Variants in MCUB observed in about 807,000 individuals in gnomAD.
MCUB encodes mitochondrial calcium uniporter dominant negative subunit beta.
MCUB carries 46 observed loss-of-function variants against 41.4 expected under a neutral mutation model. That is an observed-to-expected ratio of 1.11 (90% CI 0.88 to 1.42). The LOEUF is 1.42. MCUB is among the 40% of genes most tolerant of loss of function. The probability of loss-of-function intolerance (pLI) is 0.00; values close to 1 mark genes in which losing one functional copy is unlikely to be tolerated. For missense variants in MCUB, 403 were observed against 404.9 expected, an observed-to-expected ratio of 1.00 and a Z score of 0.04; for synonymous variants, 148 against 148.2, an observed-to-expected ratio of 1.00 and a Z score of 0.01.
intron 1 of MCUB, among the ~76,000 whole-genome samples, chr4:109,613,716 A>C (rs2126134023): frequency 1.3e-5 from 2 of 152,306 alleles, no homozygotes; most frequent in East Asian, 3.9e-4. Context: ...AAGAGATTAC[A>C]CTTACATAAG....
intron 1 of MCUB, among the ~76,000 whole-genome samples, chr4:109,633,362 G>T (rs1728518531): frequency 6.6e-6 from 1 of 151,836 alleles, no homozygotes; most frequent in Non-Finnish European, 1.5e-5. Context: ...CCGCCTCCCG[G>T]GTTCACGCCA....
chr4:109,633,277 T>TA (rs1237959997), intron 1 of MCUB, among the ~76,000 whole-genome samples: 5 of 150,796 alleles, frequency 3.3e-5, no homozygotes, highest in African/African-American at 1.2e-4. Flanking sequence ...TTATTATTAT[T>TA]TTTTTTTTGA....
At chr4:109,595,325 G>A (rs1727529230) in intron 1 of MCUB, among the ~76,000 whole-genome samples, 3 of 152,166 alleles carry the variant, frequency 2.0e-5, no homozygotes, top group Admixed American at 1.3e-4. Context: ...CACGGAATCT[G>A]CACTAGGTAA....
chr4:109,654,973 A>G (rs1004355805), intron 1 of MCUB, among the ~76,000 whole-genome samples: 2 of 152,160 alleles, frequency 1.3e-5, no homozygotes, highest in African/African-American at 4.8e-5. Context: ...GCTTAGTGCC[A>G]CAAGACTGTC....
intron 1 of MCUB, among the ~76,000 whole-genome samples, chr4:109,570,706 A>G (rs1726893888): frequency 6.6e-6 from 1 of 152,264 alleles, no homozygotes; most frequent in East Asian, 1.9e-4. Flanking sequence ...ATGTTATGCT[A>G]GAGGACTAAT....
At chr4:109,576,370 A>C (rs1272489992) in intron 1 of MCUB, among the ~76,000 whole-genome samples, 1 of 152,224 alleles carries the variant, frequency 6.6e-6, no homozygotes. Flanking sequence ...TGATCATTCA[A>C]ACTTATCAGA....
intron 1 of MCUB, among the ~76,000 whole-genome samples, chr4:109,609,677 A>C (rs930099455): frequency 1.3e-5 from 2 of 152,056 alleles, no homozygotes; most frequent in African/African-American, 4.8e-5. Context: ...TCTTGAAACA[A>C]TCACCCCTAT....
At chr4:109,684,870 C>T in intron 6 of MCUB, 1 of 454,342 alleles carries the variant, frequency 2.2e-6, no homozygotes, top group Non-Finnish European at 3.9e-6. Context: ...ACACAAATTC[C>T]TCCATTGGGA....
intron 1 of MCUB, among the ~76,000 whole-genome samples, chr4:109,620,303 C>G (rs930871084): frequency 3.9e-5 from 6 of 151,964 alleles, no homozygotes; most frequent in African/African-American, 1.2e-4. Flanking sequence ...TGAGGCCTGT[C>G]TGTACATCCT....
intron 1 of MCUB, chr4:109,648,546 TCACAG>T: frequency 2.4e-6 from 1 of 409,708 alleles, no homozygotes; most frequent in Non-Finnish European, 4.7e-6. Context: ...AAATTTATTT[TCACAG>T]TGATGATTCA....
At chr4:109,598,465 G>A (rs1478409589) in intron 1 of MCUB, among the ~76,000 whole-genome samples, 2 of 151,920 alleles carry the variant, frequency 1.3e-5, no homozygotes, top group African/African-American at 2.4e-5. Context: ...GCGTGGCAGC[G>A]CGTGCCTGCA....
At chr4:109,679,826 G>A (rs1579098185) in intron 4 of MCUB, among the ~76,000 whole-genome samples, 1 of 150,148 alleles carries the variant, frequency 6.7e-6, no homozygotes, top group South Asian at 2.1e-4. Context: ...TTTTGAGACA[G>A]AGTCTCTCTG....
intron 1 of MCUB, among the ~76,000 whole-genome samples, chr4:109,562,578 G>T (rs1477140178): frequency 6.6e-6 from 1 of 152,110 alleles, no homozygotes; most frequent in Non-Finnish European, 1.5e-5. Context: ...ATATCCTGTG[G>T]GTAAAGGCAA....
chr4:109,639,707 C>T (rs1728673357), intron 1 of MCUB, among the ~76,000 whole-genome samples: 1 of 151,972 alleles, frequency 6.6e-6, no homozygotes, highest in South Asian at 2.1e-4. Flanking sequence ...AAAAAATATT[C>T]AGTAAACCAT....
intron 2 of MCUB, among the ~76,000 whole-genome samples, chr4:109,659,785 T>C (rs1326053611): frequency 6.6e-6 from 1 of 152,166 alleles, no homozygotes; most frequent in African/African-American, 2.4e-5. Context: ...GCCTCTTAAG[T>C]AGCTGCAACT....
At position 109,592,208 on chromosome 4, in the gene MCUB, G is replaced by A. The variant is rs531718231; in HGVS notation, c.99+31772G>A. Among the ~76,000 whole-genome samples the A allele has an allele frequency of 1.5e-4, 22 of 151,552 alleles. No homozygotes were observed. The East Asian group carries it at 3.7e-3, about 26-fold the overall frequency. On this transcript the variant is annotated intron_variant, in intron 1 of 7. Coordinates refer to ENST00000394650, the MANE Select transcript of MCUB (RefSeq NM_017918.5). ...GTGGATCACTTGAAGTCAGGAGTTC[G>A]AGACCAGCCTGGCCAATATGGCGAA...
intron 1 of MCUB, among the ~76,000 whole-genome samples, chr4:109,603,241 GC>G (rs1017755783): frequency 3.9e-5 from 6 of 152,172 alleles, no homozygotes; most frequent in African/African-American, 1.4e-4. Flanking sequence ...GATTGCAGGC[GC>G]GCGCCGCCAC....
intron 1 of MCUB, among the ~76,000 whole-genome samples, chr4:109,594,159 G>C (rs1254468026): frequency 2.0e-5 from 3 of 152,208 alleles, no homozygotes; most frequent in African/African-American, 7.2e-5. Context: ...AAATTCAGCA[G>C]ATCCTTGAGA....
At chr4:109,685,124 T>C in intron 6 of MCUB, 127 bp from the exon 7 acceptor site, 1 of 589,986 alleles carries the variant, frequency 1.7e-6, no homozygotes, top group South Asian at 2.3e-5. Flanking sequence ...CTCATGGCCA[T>C]TGCAAATATT....
Sources: gnomAD v4.1 joint callset for allele counts (sites outside exome capture counted in the v4.1 genomes callset) on GRCh38, gnomAD v4.1.1 for gene constraint, MANE v1.5 for transcripts, NCBI Gene and HGNC (gene_info 2026-07-23, HGNC 2026-07-21) for gene names.